The following PTPRB variants were observed in gnomAD, a reference collection of about 807,000 sequenced individuals.
The protein encoded by PTPRB is protein tyrosine phosphatase receptor type B.
Under a neutral mutation model 238.1 loss-of-function variants are expected in PTPRB, and 97 were observed. That is an observed-to-expected ratio of 0.41 (90% CI 0.35 to 0.48). PTPRB has a LOEUF of 0.48. Ranked by LOEUF, PTPRB falls within the 20% of genes least tolerant of loss-of-function variation. PTPRB has a pLI of 0.30. For synonymous variants in PTPRB, 970 were observed against 995.4 expected (o/e 0.97, Z 0.48); for missense variants, 2,292 against 2,681.9 (o/e 0.85, Z 3.21).
chr12:70,569,414 A>C (rs540674758), intron 14 of PTPRB, among the ~76,000 whole-genome samples: 3 of 152,284 alleles, frequency 2.0e-5, no homozygotes, highest in African/African-American at 7.2e-5. Context: ...TGCTTGTTAA[A>C]ATTTAAAATT....
At chr12:70,592,974 G>T (rs1409653764) in intron 6 of PTPRB, among the ~76,000 whole-genome samples, 1 of 152,174 alleles carries the variant, frequency 6.6e-6, no homozygotes, top group Non-Finnish European at 1.5e-5. Flanking sequence ...GCACAAAAAG[G>T]TCTGCCATCT....
chr12:70,604,992 A>G (rs1379688106), intron 4 of PTPRB, among the ~76,000 whole-genome samples: 1 of 152,226 alleles, frequency 6.6e-6, no homozygotes, highest in African/African-American at 2.4e-5. Flanking sequence ...TAGTAAACCA[A>G]TACAATAAGA....
rs764589849 is a variant in PTPRB, at chr12:70,594,632, G to A, written c.1351C>T (p.Arg451Trp). The change falls in exon 6 of 34, where the codon CGG becomes TGG. Residue 451 changes from arginine (R) to tryptophan (W), a missense_variant. Coordinates refer to ENST00000334414, the MANE Select transcript of PTPRB (RefSeq NM_001109754.4). ...ATCCCTTTATCCATTAGCATCAGCC[G>A]GTATCGTTCCACATTCCCAGAACCA... ...SHGSGNVERY[R>W]LMLMDKGILV... is the part of the protein sequence containing the mutation. The A allele has an allele frequency of 2.5e-6, 4 of 1,613,830 alleles. No homozygotes were observed. Among genetic ancestry groups the A allele is most frequent in the South Asian group, 1.1e-5 (1 of 91,076 alleles).
rs17226367 is a variant in PTPRB, at chr12:70,532,084, C to G, written c.6455G>C (p.Gly2152Ala). 0.05 allele frequency: 80,172 copies of G among 1,613,814 alleles called. 2,265 individuals carry two copies. Among genetic ancestry groups the G allele is most frequent in the Middle Eastern group, 0.076 (460 of 6,062 alleles). ...GTGAAGTCTTAGGTCGTGCACTGCT[C>G]CATAAATGTCCACAGAGTCTTTGGA... ...LDSKDSVDIY[G>A]AVHDLRLHRV... The change falls in exon 32 of 34, where the codon GGA becomes GCA. Residue 2152 changes from glycine to alanine, a missense_variant. Around this residue, in one of 4 missense-constraint regions of PTPRB, gnomAD observed 397 missense variants for 502.0 expected, o/e 0.79. Coordinates refer to ENST00000334414, the MANE Select transcript of PTPRB (RefSeq NM_001109754.4).
At position 70,552,948 on chromosome 12, in the gene PTPRB, A is replaced by G. The variant is rs2136300079; in HGVS notation, c.5216T>C (p.Ile1739Thr). Residue 1739 changes from isoleucine (I) to threonine (T), a missense_variant, in exon 21 of 34, where the codon ATT (isoleucine) becomes ACT (threonine). This residue lies in a region of PTPRB where 683 missense variants were observed against 862.0 expected (regional missense o/e 0.79). Transcript: ENST00000334414. ...AAAATAATTAGTCTGATACACCCGA[A>G]TGGAGGCATTGTGCCTGTACTCCAG... ...SYLEYRHNAS[I>T]RVYQTNYFAS... 6.2e-7 allele frequency: 1 copy of G among 1,613,956 alleles called. No homozygotes were observed. The highest frequency in any genetic ancestry group is 8.5e-7 in the Non-Finnish European group (1 of 1,179,848).
At chr12:70,591,908 C>T (rs1159930553) in intron 7 of PTPRB, 1 of 240,082 alleles carries the variant, frequency 4.2e-6, no homozygotes, top group East Asian at 1.1e-4. Flanking sequence ...ATATAAGGCA[C>T]TGGATAGATA....
At position 70,536,666 on chromosome 12, in the gene PTPRB, C is replaced by T. The variant is rs573123220; in HGVS notation, c.5947-507G>A. 6.6e-5 allele frequency among the ~76,000 whole-genome samples: 10 copies of T among 152,280 alleles called. No homozygotes were observed. In the East Asian group the frequency reaches 1.9e-3, roughly 29 times the overall value. ...TTTAATCCAAACCACAGTCCAAGAGCGGGATATTTTCATCTACTCCTTCTG... is the reference window on the plus strand; with the variant it reads ...TTTAATCCAAACCACAGTCCAAGAGTGGGATATTTTCATCTACTCCTTCTG... On this transcript the variant is annotated intron_variant, in intron 28 of 33. Transcript: ENST00000334414.
chr12:70,538,134 A>G (rs956180229), intron 28 of PTPRB, 21 bp downstream of exon 28: 30 of 1,601,074 alleles, frequency 1.9e-5, no homozygotes, highest in African/African-American at 6.7e-5. Flanking sequence ...CCTGAACACT[A>G]TGGCCTAGTG....
At chr12:70,608,913 A>C in intron 4 of PTPRB, 156 bp downstream of exon 4, 1 of 1,095,572 alleles carries the variant, frequency 9.1e-7, no homozygotes, top group Non-Finnish European at 1.3e-6. Flanking sequence ...TTCTGGCTAG[A>C]TCCGAGGAAA....
intron 2 of PTPRB, among the ~76,000 whole-genome samples, chr12:70,626,369 T>TCCTG (rs757749640): frequency 0.034 from 4,192 of 122,612 alleles, 96 homozygotes; most frequent in East Asian, 0.068. Flanking sequence ...CTATCTATAT[T>TCCTG]CCTGCCTGCC....
In PTPRB at chr12:70,609,318, T is replaced by C. The variant is rs753566367; in HGVS notation, c.730A>G (p.Arg244Gly). The C allele has an allele frequency of 1.2e-6, 2 of 1,613,958 alleles. No individual in the cohort carries two copies. Among genetic ancestry groups the C allele is most frequent in the Non-Finnish European group, 8.5e-7 (1 of 1,179,878 alleles). Residue 244 changes from arginine to glycine, a missense_variant, in exon 4 of 34, where the codon AGA becomes GGA. This residue lies in a region of PTPRB where 1,205 missense variants were observed against 1,287.8 expected (regional missense o/e 0.94). Coordinates refer to ENST00000334414, the MANE Select transcript of PTPRB (RefSeq NM_001109754.4). ...TEETGLAEPE[R>G]CNFTLAESKA... ...GACTCCGCCAGGGTGAAGTTACATC[T>C]CTCTGGCTCCGCCAGTCCAGTCTGC...
chr12:70,555,090 A>G (rs1877452227), intron 20 of PTPRB, 70 bp downstream of exon 20: 2 of 1,512,578 alleles, frequency 1.3e-6, no homozygotes, highest in Admixed American at 2.2e-5. Flanking sequence ...TTGTCACAGA[A>G]AGATCTCCCA....
intron 4 of PTPRB, among the ~76,000 whole-genome samples, chr12:70,601,940 G>T (rs184282874): frequency 2.7e-5 from 4 of 149,122 alleles, no homozygotes; most frequent in Non-Finnish European, 4.4e-5. Context: ...ACAGGCGCCC[G>T]CCACCACGCC....
At position 70,518,485 on chromosome 12, in the gene PTPRB, T is replaced by C. The variant is rs1184817896; in HGVS notation, c.*3004A>G. The C allele has an allele frequency of 6.6e-6, 1 of 152,128 alleles. No homozygotes were observed. The highest frequency in any genetic ancestry group is 2.4e-5 in the African/African-American group (1 of 41,434). The allele number at this position is 152,128 out of a possible 1,614,324, so 9.4% of individuals were successfully genotyped here. On this transcript the variant is annotated 3_prime_UTR_variant, in exon 34 of 34. Transcript: ENST00000334414. ...GATGATGTGGAACCTGAAAGGACTA[T>C]GAAATTATACTCATGGGTATAAAAG...
intron 12 of PTPRB, 94 bp from the exon 13 acceptor site, chr12:70,571,383 A>T: frequency 8.0e-7 from 1 of 1,251,286 alleles, no homozygotes. Context: ...AACTGGCAAC[A>T]TCTCCCTTCC....
rs144127587 is a variant in PTPRB at position 70,560,491 on chromosome 12, T to C, written c.4432+180A>G. ...TTCATAGAGCTAAGCTAAGGACATA[T>C]TTCTTTTGGACCAAAGCCTTGTCCT... On this transcript the variant is annotated intron_variant, in intron 17 of 33. Coordinates refer to ENST00000334414, the MANE Select transcript of PTPRB (RefSeq NM_001109754.4). The surrounding 1 kb of genome is among the most constrained non-coding windows in gnomAD (Gnocchi z 4.2). Among the ~76,000 whole-genome samples the C allele has an allele frequency of 8.8e-4, 134 of 152,322 alleles. No homozygotes were observed. The highest frequency in any genetic ancestry group is 2.9e-3 in the African/African-American group (121 of 41,576).
intron 21 of PTPRB, 79 bp downstream of exon 21, chr12:70,552,698 A>G (rs1877074586): frequency 1.3e-6 from 2 of 1,531,276 alleles, no homozygotes; most frequent in Non-Finnish European, 1.8e-6. Flanking sequence ...GGAAGCTCGC[A>G]TGCATCAGTT....
intron 3 of PTPRB, 109 bp downstream of exon 3, chr12:70,622,281 G>A: frequency 6.9e-7 from 1 of 1,455,572 alleles, no homozygotes; most frequent in Non-Finnish European, 9.3e-7. Flanking sequence ...GGGTGAGAGT[G>A]CCTAATCCCC....
chr12:70,576,598 C>T lies in PTPRB; in HGVS notation c.2626G>A (p.Asp876Asn). ...AGCAGCCAGGAAACGCTGAGGTAGT[C>T]ATTACGACCGGAATTGTTCACCGTT... is the stretch of plus-strand genomic sequence containing the variant. ...GVTVNNSGRNDYLSVSWLLAP... is the reference protein window; with the variant it reads ...GVTVNNSGRNNYLSVSWLLAP... The change falls in exon 11 of 34, where the codon GAC becomes AAC. Residue 876 changes from aspartate (D) to asparagine (N), a missense_variant. By Grantham distance (23) the Asp-to-Asn change is conservative. Around this residue, in one of 4 missense-constraint regions of PTPRB, gnomAD observed 1,205 missense variants for 1,287.8 expected, o/e 0.94. Transcript: ENST00000334414. 1 of 1,536,124 alleles carries T rather than the reference C, an allele frequency of 6.5e-7. No homozygotes were observed. Among genetic ancestry groups the T allele is most frequent in the Non-Finnish European group, 8.7e-7 (1 of 1,142,858 alleles).
Sources: gnomAD v4.1 joint callset for allele counts (sites outside exome capture counted in the v4.1 genomes callset) on GRCh38, gnomAD v4.1.1 for gene constraint, gnomAD v4.1.1 regional missense constraint, Gnocchi (gnomAD v3.1) non-coding constraint, MANE v1.5 for transcripts, NCBI Gene and HGNC (gene_info 2026-07-23, HGNC 2026-07-21) for gene names.